The following FAAH2 variants were observed in gnomAD, a reference collection of about 807,000 sequenced individuals.
FAAH2 encodes fatty-acid amide hydrolase 2.
Under a neutral mutation model 36.9 loss-of-function variants are expected in FAAH2, and 60 were observed. The ratio of observed to expected loss-of-function variants is 1.63; its 90% CI spans 1.32 to 2.02. FAAH2 has a LOEUF of 2.02. Among genes scored for constraint, FAAH2 ranks in the 30% most tolerant of loss-of-function variants. The probability of loss-of-function intolerance (pLI) is 0.00; values close to 1 mark genes in which losing one functional copy is unlikely to be tolerated. For missense variants in FAAH2, 689 were observed against 397.5 expected (o/e 1.73, Z -6.23); for synonymous variants, 214 against 143.8 (o/e 1.49, Z -3.49).
intron 5 of FAAH2, among the ~76,000 whole-genome samples, chrX:57,362,664 A>AT (rs968000206): frequency 7.2e-5 from 8 of 111,450 alleles, no homozygotes; most frequent in African/African-American, 1.6e-4. Context: ...TTAGATATAA[A>AT]TTTTTTCCAA....
At chrX:57,415,363 G>C (rs2055814288) in intron 7 of FAAH2, among the ~76,000 whole-genome samples, 1 of 111,623 alleles carries the variant, frequency 9.0e-6, no homozygotes, top group Non-Finnish European at 1.9e-5. Flanking sequence ...TGGGCATTTA[G>C]TGCTATAAAT....
Position 57,375,338 on chromosome X carries a change from C to A in FAAH2, c.743-3313C>A, listed in dbSNP as rs761221162. ...TGTCTGGTAGAATTCAGCTGTGAAT[C>A]CATCTGGTACTGCACTTTTTTTTTT... On this transcript the variant is annotated intron_variant, in intron 5 of 10. Coordinates refer to ENST00000374900, the MANE Select transcript of FAAH2 (RefSeq NM_174912.4). Among the ~76,000 whole-genome samples the A allele has an allele frequency of 2.9e-5, 3 of 102,916 alleles. No individual in the cohort carries two copies. In the South Asian group the frequency reaches 1.4e-3, roughly 47 times the overall value. 89.4% of individuals were successfully genotyped at this position (102,916 alleles called of 115,157 possible). A position where few individuals can be genotyped will look rare whatever the true frequency, so the allele number is the denominator to read the frequency against.
chrX:57,259,883 C>A, the FAAH2 span, among the ~76,000 whole-genome samples: 2 of 111,794 alleles, frequency 1.8e-5, no homozygotes, highest in South Asian at 7.4e-4. Context: ...GTAGGACAAT[C>A]TTCCTTTCTA....
chrX:57,252,408 G>C, the FAAH2 span, among the ~76,000 whole-genome samples: 1 of 112,378 alleles, frequency 8.9e-6, no homozygotes, highest in Non-Finnish European at 1.9e-5. Context: ...CATGGCGTTT[G>C]AGCTCTGCTA....
the FAAH2 span, among the ~76,000 whole-genome samples, chrX:57,271,912 C>A: frequency 9.0e-6 from 1 of 110,633 alleles, no homozygotes. Context: ...ATTTGATGAA[C>A]TGACAGAAGT....
At chrX:57,469,219 T>A (rs1474943906) in intron 10 of FAAH2, among the ~76,000 whole-genome samples, 1 of 111,828 alleles carries the variant, frequency 8.9e-6, no homozygotes, top group East Asian at 2.8e-4. Context: ...GCTAACATCA[T>A]AATGAAAGGA....
At chrX:57,218,513 A>G in the FAAH2 span, among the ~76,000 whole-genome samples, 9 of 112,091 alleles carry the variant, frequency 8.0e-5, no homozygotes, top group African/African-American at 2.9e-4. Context: ...ATTGAGTTGC[A>G]TATCTTTAAC....
At chrX:57,345,121 AT>A (rs201155425) in intron 5 of FAAH2, among the ~76,000 whole-genome samples, 38,177 of 94,806 alleles carry the variant, frequency 0.4, 7,775 homozygotes, top group African/African-American at 0.72. Flanking sequence ...CCTCTCCTCA[AT>A]TTTTTTTTTT....
the FAAH2 span, among the ~76,000 whole-genome samples, chrX:57,163,808 A>G: frequency 8.9e-6 from 1 of 112,292 alleles, no homozygotes; most frequent in African/African-American, 3.2e-5. Flanking sequence ...GGAAATGCAG[A>G]AATCACCCGT....
At chrX:57,257,432 C>T in the FAAH2 span, among the ~76,000 whole-genome samples, 1 of 110,909 alleles carries the variant, frequency 9.0e-6, no homozygotes. Context: ...TCTCAGCAAA[C>T]TATCACAAGA....
chrX:57,480,347 G>A (rs766976265), intron 10 of FAAH2, among the ~76,000 whole-genome samples: 2 of 111,902 alleles, frequency 1.8e-5, no homozygotes, highest in Admixed American at 9.5e-5. Flanking sequence ...GATGAACATT[G>A]ATGCAAAAAT....
intron 10 of FAAH2, among the ~76,000 whole-genome samples, chrX:57,485,092 C>A (rs962242844): frequency 1.9e-4 from 21 of 111,838 alleles, no homozygotes; most frequent in African/African-American, 6.5e-4. Flanking sequence ...TGATGTGGAC[C>A]TTTCATTGGG....
chrX:57,235,476 G>A, the FAAH2 span, among the ~76,000 whole-genome samples: 1 of 111,204 alleles, frequency 9.0e-6, no homozygotes, highest in Admixed American at 9.5e-5. Flanking sequence ...GATTACACAA[G>A]TTCATCTGTT....
rs1363411129 is a variant in FAAH2 at position 57,394,426 on chromosome X, C to T, written c.996+13397C>T. ...CATATAATTCTACCTCTTCAGACAG[C>T]AGACCAATTACTCAAGCCAGCTTAC... On this transcript the variant is annotated intron_variant, in intron 7 of 10. Coordinates refer to ENST00000374900, the MANE Select transcript of FAAH2 (RefSeq NM_174912.4). 3 of 1,194,589 alleles carry T rather than the reference C, an allele frequency of 2.5e-6. No individual in the cohort carries two copies. In the African/African-American group the frequency reaches 5.3e-5, roughly 21 times the overall value.
At chrX:57,374,951 G>A (rs562353037) in intron 5 of FAAH2, among the ~76,000 whole-genome samples, 13 of 111,471 alleles carry the variant, frequency 1.2e-4, no homozygotes, top group South Asian at 3.7e-4. Flanking sequence ...GCTTTTCTGC[G>A]TCTATCAAGA....
At chrX:57,283,641 T>A (rs1244345354), upstream of FAAH2, among the ~76,000 whole-genome samples, 3 of 80,427 alleles carry the variant, frequency 3.7e-5, no homozygotes, top group Admixed American at 3.8e-4. Flanking sequence ...GATCCAGGCT[T>A]GGGGCCCTGC....
At position 57,341,352 on chromosome X, in the gene FAAH2, C is replaced by T; in HGVS notation, c.704C>T (p.Ala235Val). ...SDIGGSIRMP[A>V]FFNGIFGHKP... ...ATTGGTGGTAGCATTCGAATGCCTG[C>T]TTTCTTCAATGGTATATTTGGACAC... The change falls in exon 5 of 11, where the codon GCT becomes GTT. Residue 235 changes from alanine to valine, a missense_variant. By Grantham distance (64) the Ala-to-Val change is moderately conservative. Transcript: ENST00000374900. The T allele has an allele frequency of 8.3e-7, 1 of 1,210,407 alleles. No individual in the cohort carries two copies. Among genetic ancestry groups the T allele is most frequent in the African/African-American group, 1.7e-5 (1 of 57,698 alleles).
chrX:57,162,213 T>A, the FAAH2 span, among the ~76,000 whole-genome samples: 2 of 112,069 alleles, frequency 1.8e-5, no homozygotes, highest in East Asian at 5.6e-4. Context: ...GTTTGTAGGG[T>A]TTCTGCCGAG....
the FAAH2 span, among the ~76,000 whole-genome samples, chrX:57,269,272 A>G: frequency 2.7e-5 from 3 of 111,562 alleles, no homozygotes; most frequent in Non-Finnish European, 3.8e-5. Context: ...ACACAATAAT[A>G]GTGGGATATT....
Sources: gnomAD v4.1 joint callset for allele counts (sites outside exome capture counted in the v4.1 genomes callset) on GRCh38, gnomAD v4.1.1 for gene constraint, MANE v1.5 for transcripts, NCBI Gene and HGNC (gene_info 2026-07-23, HGNC 2026-07-21) for gene names.